Variants in FMN1 observed in about 807,000 individuals in gnomAD.
The protein encoded by FMN1 is formin-1.
FMN1 carries 110 observed loss-of-function variants against 132.4 expected under a neutral mutation model. The ratio of observed to expected loss-of-function variants is 0.83; its 90% confidence interval spans 0.71 to 0.97. The LOEUF (loss-of-function observed/expected upper bound fraction) is 0.97, where lower values mean the gene tolerates loss of function less well. Ranked by LOEUF, FMN1 falls within the 50% of genes least tolerant of loss-of-function variation. The probability of loss-of-function intolerance (pLI) is 0.00; values close to 1 mark genes in which losing one functional copy is unlikely to be tolerated. For missense variants in FMN1, 1,792 were observed against 1,705.3 expected (o/e 1.05, Z -0.90); for synonymous variants, 722 against 651.7 (o/e 1.11, Z -1.64).
chr15:33,012,869 G>T, intron 6 of FMN1: 1 of 595,186 alleles, frequency 1.7e-6, no homozygotes, highest in Non-Finnish European at 3.2e-6. Flanking sequence ...AATGATGGGA[G>T]CAACACTGGA....
intron 6 of FMN1, among the ~76,000 whole-genome samples, chr15:33,030,065 G>A (rs779024105): frequency 1.3e-5 from 2 of 152,226 alleles, no homozygotes; most frequent in Non-Finnish European, 2.9e-5. Flanking sequence ...GGCCGAGGCA[G>A]GAGAATGGCG....
chr15:33,117,363 G>A lies in FMN1; in HGVS notation c.1868-28389C>T, dbSNP rs7171689. On this transcript the variant is annotated intron_variant, in intron 4 of 20. Coordinates refer to ENST00000616417, the MANE Select transcript of FMN1 (RefSeq NM_001277313.2). ...AGTAATCTAAAATCTTGAAAGCATC[G>A]AAACCATAGCTGCATTTTGATTACT... Among the ~76,000 whole-genome samples, 1,452 of 152,184 alleles carry A rather than the reference G, an allele frequency of 9.5e-3. 28 individuals carry two copies. The highest frequency in any genetic ancestry group is 0.033 in the African/African-American group (1,389 of 41,532).
intron 4 of FMN1, among the ~76,000 whole-genome samples, chr15:33,143,927 A>C (rs1035915700): frequency 6.6e-6 from 1 of 152,242 alleles, no homozygotes; most frequent in African/African-American, 2.4e-5. Flanking sequence ...ATAAAAATAC[A>C]GATGAGAGGC....
chr15:33,013,613 C>T (rs1047885840), intron 6 of FMN1, among the ~76,000 whole-genome samples: 2 of 152,152 alleles, frequency 1.3e-5, no homozygotes, highest in Admixed American at 6.5e-5. Flanking sequence ...AAAAATACTT[C>T]TCTTTTGAAA....
At chr15:32,902,109 A>T in intron 12 of FMN1, 69 bp from the exon 13 acceptor site, 1 of 1,409,308 alleles carries the variant, frequency 7.1e-7, no homozygotes, top group Non-Finnish European at 9.8e-7. Flanking sequence ...ACAGCTGAAA[A>T]AGACCCACTT....
At chr15:32,945,959 C>G (rs965875131) in intron 9 of FMN1, among the ~76,000 whole-genome samples, 1 of 152,118 alleles carries the variant, frequency 6.6e-6, no homozygotes, top group Admixed American at 6.5e-5. Flanking sequence ...ACTTACAACC[C>G]AAGTCACTCC....
intron 17 of FMN1, among the ~76,000 whole-genome samples, chr15:32,854,626 T>C (rs1220949051): frequency 6.6e-6 from 1 of 152,116 alleles, no homozygotes; most frequent in Non-Finnish European, 1.5e-5. Flanking sequence ...AGTCAGGAGC[T>C]GATTGGCCGG....
chr15:33,055,899 TGAGA>T (rs2037194329), intron 6 of FMN1, among the ~76,000 whole-genome samples: 1 of 152,048 alleles, frequency 6.6e-6, no homozygotes, highest in Non-Finnish European at 1.5e-5. Flanking sequence ...CAAATTAATA[TGAGA>T]AAGAGAGACA....
chr15:33,067,256 G>A (rs1595393608), intron 5 of FMN1: 4 of 1,613,438 alleles, frequency 2.5e-6, no homozygotes, highest in Non-Finnish European at 3.4e-6. Flanking sequence ...CATCTCAGGT[G>A]GAATCCTTTG....
intron 16 of FMN1, among the ~76,000 whole-genome samples, chr15:32,869,111 A>C (rs1451219188): frequency 6.6e-6 from 1 of 152,210 alleles, no homozygotes; most frequent in African/African-American, 2.4e-5. Flanking sequence ...GTCATGAATA[A>C]AAGTAATACA....
chr15:32,930,848 T>C (rs1354452558), intron 9 of FMN1, among the ~76,000 whole-genome samples: 8 of 152,174 alleles, frequency 5.3e-5, no homozygotes, highest in African/African-American at 2.4e-5. Flanking sequence ...GTTTCTAATC[T>C]ATTTTGAGTT....
At chr15:33,119,498 T>C (rs754909706) in intron 4 of FMN1, among the ~76,000 whole-genome samples, 1 of 152,188 alleles carries the variant, frequency 6.6e-6, no homozygotes, top group Non-Finnish European at 1.5e-5. Context: ...CAAGCATTAA[T>C]GAGTCCACCG....
At position 33,109,767 on chromosome 15, in the gene FMN1, T is replaced by A. The variant is rs1207691615; in HGVS notation, c.1868-20793A>T. Among the ~76,000 whole-genome samples the A allele has an allele frequency of 2.0e-5, 3 of 151,466 alleles. No individual in the cohort carries two copies. The South Asian group carries it at 6.2e-4, about 31-fold the overall frequency. ...AATACCTGGGTGATGAAATAATATG[T>A]ACAACAACCCCCCATGACACGTTTA... On this transcript the variant is annotated intron_variant, in intron 4 of 20. Transcript: ENST00000616417.
Position 33,177,572 on chromosome 15 carries a change from C to A in FMN1, c.-132+2626G>T, listed in dbSNP as rs118037215. On this transcript the variant is annotated intron_variant, in intron 3 of 20. Coordinates refer to ENST00000616417, the MANE Select transcript of FMN1 (RefSeq NM_001277313.2). ...TAGTCCCCCCTGCAAAGAAATGAAA[C>A]CCACTCACCAAATTACTTTTCTAGG... Among the ~76,000 whole-genome samples the A allele has an allele frequency of 1.4e-3, 220 of 152,288 alleles. 1 individual carries two copies. The East Asian group carries it at 0.032, about 22-fold the overall frequency.
chr15:33,137,437 T>C (rs1468695376), intron 4 of FMN1, among the ~76,000 whole-genome samples: 1 of 152,112 alleles, frequency 6.6e-6, no homozygotes, highest in East Asian at 1.9e-4. Context: ...GCTATATATA[T>C]TTCTAAGAGG....
rs866531745 is a variant in FMN1 at position 32,963,044 on chromosome 15, G to A, written c.3138+1063C>T. 9.0e-3 allele frequency among the ~76,000 whole-genome samples: 1,291 copies of A among 143,130 alleles called. 17 individuals carry two copies. Among genetic ancestry groups the A allele is most frequent in the African/African-American group, 0.033 (1,161 of 35,008 alleles). The allele number at this position is 143,130 out of a possible 152,430, so 93.9% of individuals were successfully genotyped here. On this transcript the variant is annotated intron_variant, in intron 9 of 20. Coordinates refer to ENST00000616417, the MANE Select transcript of FMN1 (RefSeq NM_001277313.2). ...TGCTGCTATAAAGACACATGCACAC[G>A]TATGTTTATTGTGGCATTATTCACA... is the stretch of plus-strand genomic sequence containing the variant.
chr15:32,989,598 G>A (rs1021275469), intron 7 of FMN1, among the ~76,000 whole-genome samples: 7 of 152,146 alleles, frequency 4.6e-5, no homozygotes, highest in African/African-American at 1.7e-4. Context: ...AAATTGGAGG[G>A]TCTTAAATAC....
chr15:32,929,288 T>C (rs1479307354), intron 9 of FMN1, among the ~76,000 whole-genome samples: 1 of 152,218 alleles, frequency 6.6e-6, no homozygotes, highest in African/African-American at 2.4e-5. Flanking sequence ...GCCACTCTTG[T>C]GAAATACCAC....
In FMN1 at chr15:33,088,795, T is replaced by G; in HGVS notation, c.2043+4A>C. 2 of 1,534,350 alleles carry G rather than the reference T, an allele frequency of 1.3e-6. No individual in the cohort carries two copies. The highest frequency in any genetic ancestry group is 1.7e-6 in the Non-Finnish European group (2 of 1,146,042). On this transcript the variant is annotated splice_donor_region_variant and intron_variant, in intron 5 of 20. Transcript: ENST00000616417. ...ACAGCACAATCACCAAGATTTCTACTTACATGGAGATCCAAGTACAATTCG... is the reference window on the plus strand; with the variant it reads ...ACAGCACAATCACCAAGATTTCTACGTACATGGAGATCCAAGTACAATTCG...
Sources: gnomAD v4.1 joint callset for allele counts (sites outside exome capture counted in the v4.1 genomes callset) on GRCh38, gnomAD v4.1.1 for gene constraint, MANE v1.5 for transcripts, NCBI Gene and HGNC (gene_info 2026-07-23, HGNC 2026-07-21) for gene names.